NAALADL2: variants seen among roughly 807,000 people sequenced by gnomAD.
NAALADL2 encodes inactive N-acetylated-alpha-linked acidic dipeptidase-like protein 2.
A neutral mutation model predicts 87.2 loss-of-function variants in NAALADL2; 76 were observed. That is an observed-to-expected ratio of 0.87 (90% CI 0.72 to 1.05). NAALADL2 has a LOEUF of 1.05. Among genes scored for constraint, NAALADL2 ranks in the 50% least tolerant of loss-of-function variants. NAALADL2 has a pLI of 0.00. For synonymous variants in NAALADL2, 354 were observed against 331.0 expected (o/e 1.07, Z -0.75); for missense variants, 1,089 against 945.8 (o/e 1.15, Z -1.99).
intron 1 of NAALADL2, among the ~76,000 whole-genome samples, chr3:174,529,214 G>A (rs2108436067): frequency 6.6e-6 from 1 of 152,288 alleles, no homozygotes; most frequent in Non-Finnish European, 1.5e-5. Context: ...GGGGCTACAG[G>A]CCCCATGCAA....
intron 5 of NAALADL2, among the ~76,000 whole-genome samples, chr3:175,423,764 C>G (rs1024533535): frequency 1.3e-5 from 2 of 152,094 alleles, no homozygotes; most frequent in Non-Finnish European, 2.9e-5. Context: ...GATTTATAAT[C>G]CTTTGGGTAT....
At chr3:174,480,214 A>G (rs776297170) in intron 1 of NAALADL2, among the ~76,000 whole-genome samples, 1 of 152,160 alleles carries the variant, frequency 6.6e-6, no homozygotes, top group Non-Finnish European at 1.5e-5. Flanking sequence ...AGCCTCTGCC[A>G]TTGAAAAATA....
chr3:174,709,336 A>G (rs965772899), intron 2 of NAALADL2, among the ~76,000 whole-genome samples: 4 of 152,162 alleles, frequency 2.6e-5, no homozygotes, highest in African/African-American at 9.6e-5. Context: ...TTGTTATAAT[A>G]TAAAAATATA....
At position 175,007,404 on chromosome 3, in the gene NAALADL2, C is replaced by G. The variant is rs559361828; in HGVS notation, c.44-89386C>G. 6.0e-4 allele frequency among the ~76,000 whole-genome samples: 92 copies of G among 152,260 alleles called. 1 individual carries two copies. Among genetic ancestry groups the G allele is most frequent in the African/African-American group, 2.1e-3 (86 of 41,556 alleles). On this transcript the variant is annotated intron_variant, in intron 1 of 13. Transcript: ENST00000454872. ...GAAAACCCTGAAGGAAGAACAACCACATGGGCTATCTTCAGGCATGGGAGT... is the reference window on the plus strand; with the variant it reads ...GAAAACCCTGAAGGAAGAACAACCAGATGGGCTATCTTCAGGCATGGGAGT...
At chr3:174,506,153 C>T (rs1444435615) in intron 1 of NAALADL2, among the ~76,000 whole-genome samples, 1 of 150,336 alleles carries the variant, frequency 6.7e-6, no homozygotes, top group Non-Finnish European at 1.5e-5. Context: ...CTTCGTACAT[C>T]TTTCTATGTC....
At chr3:174,767,522 A>T (rs755674444) in intron 3 of NAALADL2, among the ~76,000 whole-genome samples, 1 of 152,158 alleles carries the variant, frequency 6.6e-6, no homozygotes, top group Non-Finnish European at 1.5e-5. Flanking sequence ...TATGGTGTCT[A>T]CTAGATAGGC....
At chr3:175,539,503 AT>A (rs1033847922) in intron 9 of NAALADL2, among the ~76,000 whole-genome samples, 1 of 151,338 alleles carries the variant, frequency 6.6e-6, no homozygotes, top group African/African-American at 2.4e-5. Context: ...TTTATTTTAA[AT>A]TTTTTTTTAG....
At chr3:175,190,847 G>T (rs113734070) in intron 2 of NAALADL2, among the ~76,000 whole-genome samples, 2 of 151,690 alleles carry the variant, frequency 1.3e-5, no homozygotes, top group African/African-American at 2.4e-5. Flanking sequence ...GCGTGGTGGC[G>T]GGCGCCTGTA....
intron 12 of NAALADL2, among the ~76,000 whole-genome samples, chr3:175,738,329 C>T (rs1259432573): frequency 6.6e-6 from 1 of 151,842 alleles, no homozygotes. Context: ...CTCACTGCAA[C>T]CTCCACCTCC....
intron 3 of NAALADL2, among the ~76,000 whole-genome samples, chr3:175,238,177 A>G (rs1746234831): frequency 6.6e-6 from 1 of 152,110 alleles, no homozygotes; most frequent in Non-Finnish European, 1.5e-5. Context: ...ATCAACCTCT[A>G]CTGCAGATTT....
At chr3:175,278,988 C>A (rs1166740654) in intron 4 of NAALADL2, among the ~76,000 whole-genome samples, 1 of 152,118 alleles carries the variant, frequency 6.6e-6, no homozygotes, top group Non-Finnish European at 1.5e-5. Context: ...GGTCTACATT[C>A]TAGATGAAGT....
intron 10 of NAALADL2, among the ~76,000 whole-genome samples, chr3:175,621,719 C>A (rs1042447219): frequency 2.6e-5 from 4 of 152,094 alleles, no homozygotes; most frequent in African/African-American, 9.7e-5. Flanking sequence ...TGTATTAAGT[C>A]TTATAAGTAA....
intron 2 of NAALADL2, among the ~76,000 whole-genome samples, chr3:174,634,673 C>A (rs1722458834): frequency 6.6e-6 from 1 of 152,066 alleles, no homozygotes; most frequent in African/African-American, 2.4e-5. Flanking sequence ...GGATGATAGG[C>A]TAAAGTGGAC....
At chr3:175,187,931 G>A (rs763785940) in intron 2 of NAALADL2, among the ~76,000 whole-genome samples, 2 of 152,102 alleles carry the variant, frequency 1.3e-5, no homozygotes, top group Non-Finnish European at 2.9e-5. Flanking sequence ...TGTAATGCCA[G>A]CTCGTTTCTT....
chr3:175,102,496 T>C (rs977486413), intron 2 of NAALADL2, among the ~76,000 whole-genome samples: 16 of 152,332 alleles, frequency 1.1e-4, no homozygotes, highest in African/African-American at 3.8e-4. Context: ...TTTCCCATGG[T>C]ATTTAAAGGT....
chr3:174,953,428 A>G (rs1740709491), intron 1 of NAALADL2, among the ~76,000 whole-genome samples: 1 of 151,040 alleles, frequency 6.6e-6, no homozygotes, highest in South Asian at 2.1e-4. Context: ...AGACTACACC[A>G]GTAAACAAAA....
intron 13 of NAALADL2, among the ~76,000 whole-genome samples, chr3:175,761,814 G>A (rs74331938): frequency 0.024 from 3,596 of 152,126 alleles, 139 homozygotes; most frequent in African/African-American, 0.08. Context: ...TGTGATATCT[G>A]TTCAGCTCTT....
chr3:175,705,961 T>C (rs1476044476), intron 11 of NAALADL2, among the ~76,000 whole-genome samples: 1 of 152,120 alleles, frequency 6.6e-6, no homozygotes, highest in Non-Finnish European at 1.5e-5. Flanking sequence ...GCAAAGGAAG[T>C]AACATGGCAT....
In NAALADL2 at chr3:175,130,059, C is replaced by T. The variant is rs376515269; in HGVS notation, c.545+32768C>T. On this transcript the variant is annotated intron_variant, in intron 2 of 13. Coordinates refer to ENST00000454872, the MANE Select transcript of NAALADL2 (RefSeq NM_207015.3). ...GGATTTGCATTTTCTTAGTGATTAG[C>T]GATGTTGTATACGTTTTCATATACT... 7.9e-5 allele frequency among the ~76,000 whole-genome samples: 12 copies of T among 152,030 alleles called. No homozygotes were observed. The East Asian group carries it at 1.2e-3, about 15-fold the overall frequency.
Sources: allele counts gnomAD v4.1 joint callset (sites outside exome capture counted in the v4.1 genomes callset), GRCh38; gene constraint gnomAD v4.1.1; transcripts MANE v1.5; gene names NCBI Gene and HGNC (gene_info 2026-07-23, HGNC 2026-07-21).